Variants in FMN1 observed in about 807,000 individuals in gnomAD.
FMN1 encodes formin-1.
In FMN1, 110 loss-of-function variants were observed where a neutral mutation model predicts 132.4. The ratio of observed to expected loss-of-function variants is 0.83; its 90% CI spans 0.71 to 0.97. FMN1 has a LOEUF of 0.97. Ranked by LOEUF, FMN1 falls within the 50% of genes least tolerant of loss-of-function variation. The pLI is 0.00. For missense variants in FMN1, 1,792 were observed against 1,705.3 expected, an observed-to-expected ratio of 1.05 and a Z score of -0.90; for synonymous variants, 722 against 651.7, an observed-to-expected ratio of 1.11 and a Z score of -1.64.
intron 4 of FMN1, among the ~76,000 whole-genome samples, chr15:33,143,799 A>C (rs1964102592): frequency 6.6e-6 from 1 of 152,228 alleles, no homozygotes; most frequent in Admixed American, 6.5e-5. Context: ...CTATTAATTT[A>C]CTGTTTATGA....
chr15:33,100,879 T>A (rs2039267316), intron 4 of FMN1, among the ~76,000 whole-genome samples: 1 of 152,166 alleles, frequency 6.6e-6, no homozygotes, highest in Admixed American at 6.6e-5. Flanking sequence ...GAATATTATA[T>A]AATTATTTAA....
chr15:33,162,071 G>T (rs1413405680), intron 3 of FMN1, among the ~76,000 whole-genome samples: 1 of 152,036 alleles, frequency 6.6e-6, no homozygotes, highest in Non-Finnish European at 1.5e-5. Flanking sequence ...CAGTGCAGTG[G>T]CGTGATCTCA....
intron 9 of FMN1, among the ~76,000 whole-genome samples, chr15:32,962,816 T>C (rs1305705820): frequency 6.6e-6 from 1 of 151,772 alleles, no homozygotes; most frequent in Non-Finnish European, 1.5e-5. Context: ...CCAGTTAGAA[T>C]GGCAATCATT....
intron 3 of FMN1, among the ~76,000 whole-genome samples, chr15:33,174,477 A>G (rs764719992): frequency 6.6e-6 from 1 of 152,190 alleles, no homozygotes; most frequent in Non-Finnish European, 1.5e-5. Context: ...ACATTATGTT[A>G]TACAATCTTC....
chr15:32,890,145 A>G (rs2059991968), intron 15 of FMN1, among the ~76,000 whole-genome samples: 2 of 137,662 alleles, frequency 1.5e-5, no homozygotes, highest in African/African-American at 3.0e-5. Flanking sequence ...GTATATATAT[A>G]TATCAGTTTC....
chr15:32,899,088 A>G (rs1224529661), intron 14 of FMN1, among the ~76,000 whole-genome samples, 195 bp from the exon 15 acceptor site: 1 of 152,188 alleles, frequency 6.6e-6, no homozygotes, highest in Non-Finnish European at 1.5e-5. Context: ...ATGACACTGT[A>G]CTATCCTTTG....
At chr15:32,848,330 G>A (rs1229240046) in intron 17 of FMN1, among the ~76,000 whole-genome samples, 3 of 140,436 alleles carry the variant, frequency 2.1e-5, no homozygotes, top group Non-Finnish European at 4.6e-5. Flanking sequence ...AGGTTCATGT[G>A]TGTGCACGTG....
intron 17 of FMN1, among the ~76,000 whole-genome samples, chr15:32,809,393 C>T (rs1209066195): frequency 6.6e-6 from 1 of 152,092 alleles, no homozygotes; most frequent in African/African-American, 2.4e-5. Flanking sequence ...GTGAACTATG[C>T]CCCTTTTCTG....
chr15:32,955,488 T>C (rs945280430), intron 9 of FMN1, among the ~76,000 whole-genome samples: 2 of 152,166 alleles, frequency 1.3e-5, no homozygotes, highest in African/African-American at 2.4e-5. Flanking sequence ...GCCAGAGGAC[T>C]CACTATCACC....
At chr15:32,874,103 C>T (rs1196691339) in intron 16 of FMN1, among the ~76,000 whole-genome samples, 2 of 147,408 alleles carry the variant, frequency 1.4e-5, no homozygotes, top group African/African-American at 2.5e-5. Flanking sequence ...CTCACTGTGA[C>T]CTCTGCCTCC....
intron 16 of FMN1, among the ~76,000 whole-genome samples, chr15:32,884,127 C>G (rs2059838515): frequency 1.3e-5 from 2 of 152,154 alleles, no homozygotes; most frequent in South Asian, 4.1e-4. Context: ...GTATTAGTTT[C>G]TGATTGCTAC....
chr15:32,964,222 T>TC lies in FMN1; in HGVS notation c.3022dup (p.Glu1008GlyfsTer4), dbSNP rs1370759646. ...ACTGGGGTCCCGAATGTCAGGTTCT[T>TC]CTAAGGAGTCCCATAAGGTTGGTGT... On this transcript the variant is annotated frameshift_variant, in exon 9 of 21. Transcript: ENST00000616417. LOFTEE classifies it high-confidence loss of function. The TC allele has an allele frequency of 6.2e-7, 1 of 1,611,616 alleles. No homozygotes were observed. Among genetic ancestry groups the TC allele is most frequent in the Non-Finnish European group, 8.5e-7 (1 of 1,178,468 alleles).
intron 3 of FMN1, among the ~76,000 whole-genome samples, chr15:33,170,426 A>G (rs1196476743): frequency 6.6e-6 from 1 of 152,170 alleles, no homozygotes; most frequent in Non-Finnish European, 1.5e-5. Flanking sequence ...ACTATGTTAA[A>G]CTAGGAAGCT....
intron 7 of FMN1, among the ~76,000 whole-genome samples, chr15:32,988,587 T>TGG (rs1450646182): frequency 1.3e-5 from 2 of 152,204 alleles, no homozygotes; most frequent in African/African-American, 2.4e-5. Context: ...GCATAAATGA[T>TGG]GGGGCAATGG....
At chr15:32,938,130 C>T (rs548026677) in intron 9 of FMN1, among the ~76,000 whole-genome samples, 2 of 151,634 alleles carry the variant, frequency 1.3e-5, no homozygotes, top group African/African-American at 2.4e-5. Flanking sequence ...GTTTTTTTCA[C>T]GTAGAAACAC....
At chr15:32,928,225 C>A in intron 9 of FMN1, among the ~76,000 whole-genome samples, 1 of 151,598 alleles carries the variant, frequency 6.6e-6, no homozygotes, top group Non-Finnish European at 1.5e-5. Context: ...TTAAGCATGT[C>A]AATATTCGCC....
intron 4 of FMN1, among the ~76,000 whole-genome samples, chr15:33,131,136 C>A (rs1219878839): frequency 6.6e-6 from 1 of 151,912 alleles, no homozygotes; most frequent in East Asian, 1.9e-4. Flanking sequence ...TTGAGACCAG[C>A]CTGGCCAAAT....
chr15:32,923,664 G>A (rs2060887492), intron 10 of FMN1, among the ~76,000 whole-genome samples: 1 of 152,158 alleles, frequency 6.6e-6, no homozygotes, highest in Non-Finnish European at 1.5e-5. Context: ...TATAACATTG[G>A]AAAAGGTCTG....
intron 9 of FMN1, among the ~76,000 whole-genome samples, chr15:32,937,575 T>TA (rs1482045623): frequency 6.6e-5 from 10 of 152,216 alleles, no homozygotes; most frequent in African/African-American, 2.4e-4. Context: ...TTCCCACTTT[T>TA]AGTTTCTGAG....
Sources: allele counts gnomAD v4.1 joint callset (sites outside exome capture counted in the v4.1 genomes callset), GRCh38; gene constraint gnomAD v4.1.1; transcripts MANE v1.5; gene names NCBI Gene and HGNC (gene_info 2026-07-23, HGNC 2026-07-21).